The following KALRN variants were observed in gnomAD, a reference collection of about 807,000 sequenced individuals.
KALRN encodes the protein kalirin.
In KALRN, 70 loss-of-function variants were observed where a neutral mutation model predicts 353.7. The ratio of observed to expected loss-of-function variants is 0.20; its 90% CI spans 0.16 to 0.24. KALRN has a LOEUF of 0.24. Ranked by LOEUF, KALRN falls within the 10% of genes least tolerant of loss-of-function variation. The pLI, the probability that KALRN is intolerant of heterozygous loss-of-function variation, is 1.00. For missense variants in KALRN, 2,791 were observed against 3,756.7 expected (o/e 0.74, Z 6.72); for synonymous variants, 1,391 against 1,434.8 (o/e 0.97, Z 0.69).
At chr3:124,346,432 A>G (rs868821604) in intron 9 of KALRN, among the ~76,000 whole-genome samples, 1 of 152,084 alleles carries the variant, frequency 6.6e-6, no homozygotes, top group Non-Finnish European at 1.5e-5. Flanking sequence ...AAATCACTAG[A>G]TCTTTAGCCT....
intron 11 of KALRN, among the ~76,000 whole-genome samples, chr3:124,389,273 G>C (rs1423455849): frequency 6.6e-6 from 1 of 152,136 alleles, no homozygotes; most frequent in Non-Finnish European, 1.5e-5. Context: ...AGATTTCTAA[G>C]TGGGAAGTGA....
intron 2 of KALRN, among the ~76,000 whole-genome samples, chr3:124,232,811 T>C (rs960466426): frequency 3.9e-5 from 6 of 152,136 alleles, no homozygotes; most frequent in Non-Finnish European, 8.8e-5. Flanking sequence ...ATTATATGAT[T>C]TGAAAGCTCA....
intron 5 of KALRN, among the ~76,000 whole-genome samples, chr3:124,270,442 C>T (rs939829630): frequency 6.6e-6 from 1 of 151,866 alleles, no homozygotes; most frequent in Non-Finnish European, 1.5e-5. Context: ...TTGGGGCAGG[C>T]TTATGGTTGA....
intron 33 of KALRN, chr3:124,519,436 T>C (rs1380756469): frequency 3.3e-5 from 33 of 985,300 alleles, no homozygotes; most frequent in Non-Finnish European, 3.6e-5. Context: ...AGATGATGAT[T>C]CCATTTCATA....
At chr3:124,538,677 A>G (rs1288118028) in intron 33 of KALRN, among the ~76,000 whole-genome samples, 2 of 152,176 alleles carry the variant, frequency 1.3e-5, no homozygotes, top group Non-Finnish European at 2.9e-5. Flanking sequence ...ACCTTTCAGA[A>G]TGACGACCCT....
chr3:124,497,990 G>A (rs78208488), intron 33 of KALRN, among the ~76,000 whole-genome samples: 2 of 152,214 alleles, frequency 1.3e-5, no homozygotes, highest in Non-Finnish European at 2.9e-5. Flanking sequence ...GACCTTTGAC[G>A]GCAGCCATTT....
intron 4 of KALRN, among the ~76,000 whole-genome samples, chr3:124,266,128 T>C (rs1478010505): frequency 6.6e-6 from 1 of 151,110 alleles, no homozygotes; most frequent in Non-Finnish European, 1.5e-5. Context: ...CAAAACAAAA[T>C]AAACAAACAA....
rs1381677783 is a variant in KALRN, at chr3:124,308,620, A to G, written c.1092+9707A>G. ...AGAATTGGAAACTAATTTTAGATGA[A>G]TGAAATTTTTGACACATCATACCAC... On this transcript the variant is annotated intron_variant, in intron 6 of 59. Coordinates refer to ENST00000682506, the MANE Select transcript of KALRN (RefSeq NM_001388419.1). Among the ~76,000 whole-genome samples, 3 of 151,980 alleles carry G rather than the reference A, an allele frequency of 2.0e-5. No individual in the cohort carries two copies. The East Asian group carries it at 5.8e-4, about 29-fold the overall frequency.
chr3:124,492,703 G>A (rs769265933), intron 31 of KALRN, 37 bp from the exon 32 acceptor site: 10 of 1,607,438 alleles, frequency 6.2e-6, no homozygotes, highest in African/African-American at 2.7e-5. Context: ...GGTGATGGGA[G>A]TTGGGGTTCT....
chr3:124,160,599 G>A (rs2069773138), intron 1 of KALRN, among the ~76,000 whole-genome samples: 2 of 152,090 alleles, frequency 1.3e-5, no homozygotes, highest in Admixed American at 6.5e-5. Flanking sequence ...CCATCAGGCA[G>A]CTCTGACTAT....
intron 37 of KALRN, among the ~76,000 whole-genome samples, chr3:124,642,806 G>GTTTTTTTTTTGTTGTTGGTTTTT (rs1553707031): frequency 1.0e-5 from 1 of 96,840 alleles, no homozygotes; most frequent in Non-Finnish European, 1.9e-5. Flanking sequence ...CCCAAGCCTC[G>GTTTTTTTTTTGTTGTTGGTTTTT]TTTTTTTTTT....
At chr3:124,491,653 G>T (rs1170544582) in intron 31 of KALRN, 12 of 359,738 alleles carry the variant, frequency 3.3e-5, no homozygotes, top group Non-Finnish European at 5.4e-5. Context: ...GACCAAGAGG[G>T]AAGAAAGCAG....
At chr3:124,090,494 AGAGAT>A (rs1214383311) in intron 1 of KALRN, among the ~76,000 whole-genome samples, 3 of 152,188 alleles carry the variant, frequency 2.0e-5, no homozygotes, top group Non-Finnish European at 4.4e-5. Context: ...GAGCCTGTGG[AGAGAT>A]GAGGCTGATT....
chr3:124,440,832 T>C (rs537028051), intron 18 of KALRN, among the ~76,000 whole-genome samples: 1 of 152,010 alleles, frequency 6.6e-6, no homozygotes, highest in Admixed American at 6.6e-5. Context: ...ACCTGCTTTG[T>C]AGAGAAATAC....
intron 5 of KALRN, among the ~76,000 whole-genome samples, chr3:124,289,240 T>C (rs6780906): frequency 0.53 from 80,439 of 151,942 alleles, 21,852 homozygotes; most frequent in East Asian, 0.68. Flanking sequence ...GCCTCCCCTC[T>C]AAATGCCATC....
intron 1 of KALRN, among the ~76,000 whole-genome samples, chr3:124,095,233 ACT>A (rs1226485311): frequency 3.5e-4 from 53 of 152,184 alleles, no homozygotes; most frequent in Middle Eastern, 6.8e-3. Context: ...TCTTGATAGA[ACT>A]CTCTGAGAAG....
chr3:124,549,319 C>T (rs1463490440), intron 33 of KALRN, among the ~76,000 whole-genome samples: 2 of 106,488 alleles, frequency 1.9e-5, no homozygotes, highest in Admixed American at 1.0e-4. Flanking sequence ...CCCAAGAAGC[C>T]AACACACACA....
intron 10 of KALRN, among the ~76,000 whole-genome samples, chr3:124,374,599 GCCTTTTCC>G (rs1417585888): frequency 6.6e-6 from 1 of 152,164 alleles, no homozygotes; most frequent in African/African-American, 2.4e-5. Flanking sequence ...GTCAGGAACA[GCCTTTTCC>G]TCTTTTCCTC....
chr3:124,697,238 G>A (rs1453084936), intron 54 of KALRN, among the ~76,000 whole-genome samples: 1 of 152,194 alleles, frequency 6.6e-6, no homozygotes, highest in Non-Finnish European at 1.5e-5. Flanking sequence ...CCTGCGACCT[G>A]GGGGAGAAAA....
Sources: gnomAD v4.1 joint callset for allele counts (sites outside exome capture counted in the v4.1 genomes callset) on GRCh38, gnomAD v4.1.1 for gene constraint, MANE v1.5 for transcripts, NCBI Gene and HGNC (gene_info 2026-07-23, HGNC 2026-07-21) for gene names.